FRRS1L: variants seen among roughly 807,000 people sequenced by gnomAD.
FRRS1L encodes ferric chelate reductase 1 like.
Under a neutral mutation model 28.6 loss-of-function variants are expected in FRRS1L, and 22 were observed. The observed-to-expected ratio is 0.77, with a 90% confidence interval of 0.55 to 1.10. The LOEUF (loss-of-function observed/expected upper bound fraction) is 1.10, where lower values mean the gene tolerates loss of function less well. Among genes scored for constraint, FRRS1L ranks in the 50% least tolerant of loss-of-function variants. The pLI is 0.00. For missense variants in FRRS1L, 380 were observed against 386.9 expected, an observed-to-expected ratio of 0.98 and a Z score of 0.15; for synonymous variants, 158 against 151.4, an observed-to-expected ratio of 1.04 and a Z score of -0.32.
intron 1 of FRRS1L, among the ~76,000 whole-genome samples, chr9:109,156,671 G>C (rs1011219429): frequency 1.3e-5 from 2 of 148,960 alleles, no homozygotes; most frequent in South Asian, 2.1e-4. Context: ...TTACAGGCAT[G>C]AGCCACTGCA....
At chr9:109,157,574 G>T (rs1430270606) in intron 1 of FRRS1L, among the ~76,000 whole-genome samples, 2 of 151,982 alleles carry the variant, frequency 1.3e-5, no homozygotes, top group South Asian at 4.2e-4. Flanking sequence ...TTTTTGTAGG[G>T]AATATGTTGC....
intron 1 of FRRS1L, among the ~76,000 whole-genome samples, chr9:109,154,144 C>T (rs542215451): frequency 6.6e-6 from 1 of 152,352 alleles, no homozygotes; most frequent in South Asian, 2.1e-4. Context: ...GAGGCATCAG[C>T]AGCAGCTGAG....
Position 109,132,237 on chromosome 9 carries a change from A to C in FRRS1L, c.*5218T>G, listed in dbSNP as rs950445296. On this transcript the variant is annotated 3_prime_UTR_variant, in exon 5 of 5. Coordinates refer to ENST00000561981, the MANE Select transcript of FRRS1L (RefSeq NM_014334.4). Reference sequence around the variant, plus strand: ...TGATCCGCCCACCTCGGCCTCCCGAAGTGCTGGGATTACAGGCTTGAGCCA... The same window carrying C: ...TGATCCGCCCACCTCGGCCTCCCGACGTGCTGGGATTACAGGCTTGAGCCA... 6 of 152,204 alleles carry C rather than the reference A, an allele frequency of 3.9e-5. No individual in the cohort carries two copies. Among genetic ancestry groups the C allele is most frequent in the African/African-American group, 1.4e-4 (6 of 41,416 alleles). The allele number at this position is 152,204 out of a possible 1,614,324, so 9.4% of individuals were successfully genotyped here.
At chr9:109,142,273 A>C (rs1001258088) in intron 3 of FRRS1L, among the ~76,000 whole-genome samples, 1 of 151,284 alleles carries the variant, frequency 6.6e-6, no homozygotes, top group East Asian at 1.9e-4. Flanking sequence ...AATAACAATC[A>C]AAAAAATAAT....
chr9:109,134,793 C>T lies in FRRS1L; in HGVS notation c.*2662G>A, dbSNP rs1348541374. 2 of 152,108 alleles carry T rather than the reference C, an allele frequency of 1.3e-5. No homozygotes were observed. Among genetic ancestry groups the T allele is most frequent in the Non-Finnish European group, 2.9e-5 (2 of 68,022 alleles). 9.4% of individuals were successfully genotyped at this position (152,108 alleles called of 1,614,324 possible). A position where few individuals can be genotyped will look rare whatever the true frequency, so the allele number is the denominator to read the frequency against. Reference sequence around the variant, plus strand: ...CTTTTGTTTTAACCTGTTTGTAGCTCAAATATTATACACATAAGAGAGAGA... The same window carrying T: ...CTTTTGTTTTAACCTGTTTGTAGCTTAAATATTATACACATAAGAGAGAGA... On this transcript the variant is annotated 3_prime_UTR_variant, in exon 5 of 5. Transcript: ENST00000561981.
chr9:109,155,908 C>T (rs1369012768), intron 1 of FRRS1L, among the ~76,000 whole-genome samples: 1 of 152,100 alleles, frequency 6.6e-6, no homozygotes, highest in African/African-American at 2.4e-5. Context: ...AAACCCACTG[C>T]ATTGCACATT....
intron 1 of FRRS1L, chr9:109,150,426 G>C (rs1397595280): frequency 1.3e-5 from 2 of 152,118 alleles, no homozygotes; most frequent in African/African-American, 2.4e-5. Context: ...ATATTGCCTA[G>C]GCTGGTCTCG....
intron 4 of FRRS1L, chr9:109,139,206 A>T (rs1233823184): frequency 6.6e-6 from 1 of 152,188 alleles, no homozygotes; most frequent in African/African-American, 2.4e-5. Flanking sequence ...TTAAAAAAAA[A>T]TAAAAATAAA....
chr9:109,160,672 T>C (rs1831469966), intron 1 of FRRS1L, among the ~76,000 whole-genome samples: 1 of 152,126 alleles, frequency 6.6e-6, no homozygotes, highest in Admixed American at 6.5e-5. Flanking sequence ...TGACCACTTC[T>C]TGTTATTCCT....
Position 109,164,724 on chromosome 9 carries a change from A to G in FRRS1L, c.238+2177T>C, listed in dbSNP as rs188243660. Among the ~76,000 whole-genome samples the G allele has an allele frequency of 7.2e-5, 11 of 152,296 alleles. No individual in the cohort carries two copies. In the East Asian group the frequency reaches 2.1e-3, roughly 29 times the overall value. ...TCACAGACTTTTGAGTGCAATGCCA[A>G]CAGGTTAGAGGCAGACTTCAGGAGG... is the stretch of plus-strand genomic sequence containing the variant. On this transcript the variant is annotated intron_variant, in intron 1 of 4. Transcript: ENST00000561981.
chr9:109,141,042 T>C (rs896115930), intron 4 of FRRS1L: 23 of 386,380 alleles, frequency 6.0e-5, no homozygotes, highest in African/African-American at 4.6e-4. Flanking sequence ...CTGTGAGAAT[T>C]GAACAGAGCC....
At chr9:109,158,555 A>T (rs538909416) in intron 1 of FRRS1L, among the ~76,000 whole-genome samples, 10 of 152,096 alleles carry the variant, frequency 6.6e-5, no homozygotes, top group Non-Finnish European at 1.5e-4. Context: ...GGATTTGCTT[A>T]TTCTGGACAT....
intron 1 of FRRS1L, chr9:109,151,085 T>A (rs537534312): frequency 6.6e-6 from 1 of 152,364 alleles, no homozygotes; most frequent in East Asian, 1.9e-4. Flanking sequence ...CACACTTTTC[T>A]GGCACACTTC....
At position 109,147,076 on chromosome 9, in the gene FRRS1L, A is replaced by G. The variant is rs1588099321; in HGVS notation, c.437T>C (p.Val146Ala). The G allele has an allele frequency of 1.2e-6, 2 of 1,613,998 alleles. No individual in the cohort carries two copies. The highest frequency in any genetic ancestry group is 1.7e-6 in the Non-Finnish European group (2 of 1,179,886). The change falls in exon 3 of 5, where the codon GTT (valine) becomes GCT (alanine). Residue 146 changes from valine to alanine, a missense_variant. By Grantham distance (64) the Val-to-Ala change is moderately conservative. Coordinates refer to ENST00000561981, the MANE Select transcript of FRRS1L (RefSeq NM_014334.4). The stretch of plus-strand genomic sequence containing the variant: ...CATTTTCTTGTCTGAAGAGAATCCA[A>G]CTGCTACCCAACCATCTGTGTCTGC... ...LSADTDGWVA[V>A]GFSSDKKMGG...
rs1271926422 is a variant in FRRS1L at position 109,137,382 on chromosome 9, G to A, written c.*73C>T. 1.1e-6 allele frequency: 1 copy of A among 932,590 alleles called. No individual in the cohort carries two copies. The highest frequency in any genetic ancestry group is 2.9e-5 in the East Asian group (1 of 34,646). The allele number at this position is 932,590 out of a possible 1,614,324, so 57.8% of individuals were successfully genotyped here. On this transcript the variant is annotated 3_prime_UTR_variant, in exon 5 of 5. Transcript: ENST00000561981. ...AAATAATTGAAGCTAAAATTATACT[G>A]GATATTCTTTAAAAAATATATTTAT...
At chr9:109,161,042 G>A (rs965664209) in intron 1 of FRRS1L, among the ~76,000 whole-genome samples, 14 of 151,576 alleles carry the variant, frequency 9.2e-5, no homozygotes, top group Admixed American at 2.0e-4. Context: ...CTGCCGCCTC[G>A]GCTTCCCAAC....
Position 109,137,498 on chromosome 9 carries a change from A to G in FRRS1L, c.839T>C (p.Leu280Pro). The G allele has an allele frequency of 6.2e-7, 1 of 1,613,226 alleles. No homozygotes were observed. The highest frequency in any genetic ancestry group is 1.1e-5 in the South Asian group (1 of 90,930). ...TAGGTAGAAGGTCAGAGCAACAATC[A>G]GAAGCAAACAAAATGGAGATGAGAA... ...QTFSSPFCLLLIVALTFYLLM... is the reference protein window; with the variant it reads ...QTFSSPFCLLPIVALTFYLLM... Residue 280 changes from leucine (L) to proline (P), a missense_variant, in exon 5 of 5, where the codon CTG (leucine) becomes CCG (proline). By Grantham distance (98) the Leu-to-Pro change is moderately conservative (BLOSUM62 -3). Transcript: ENST00000561981.
At position 109,149,757 on chromosome 9, in the gene FRRS1L, G is replaced by A. The variant is rs754025838; in HGVS notation, c.239-37C>T. On this transcript the variant is annotated intron_variant, in intron 1 of 4. Transcript: ENST00000561981. ...GAATAAAGAAGGGTTAGAAAATCCA[G>A]TAACAACTGTTCCAATGAGAATTTT... 2.2e-6 allele frequency: 3 copies of A among 1,340,168 alleles called. No individual in the cohort carries two copies. The East Asian group carries it at 6.9e-5, about 31-fold the overall frequency. 83.0% of individuals were successfully genotyped at this position (1,340,168 alleles called of 1,614,324 possible). A position where few individuals can be genotyped will look rare whatever the true frequency, so the allele number is the denominator to read the frequency against.
At position 109,130,599 on chromosome 9, in the gene FRRS1L, AG is replaced by A. The variant is rs1383762883; in HGVS notation, c.*6855del. 6.6e-6 allele frequency: 1 copy of A among 152,244 alleles called. No homozygotes were observed. The highest frequency in any genetic ancestry group is 2.4e-5 in the African/African-American group (1 of 41,468). The allele number at this position is 152,244 out of a possible 1,614,324, so 9.4% of individuals were successfully genotyped here. ...AATCTCAAAATTAATCACAAACATT[AG>A]GTACACAATTGTTATAAAACAAATA... On this transcript the variant is annotated 3_prime_UTR_variant, in exon 5 of 5. Transcript: ENST00000561981.
Sources: gnomAD v4.1 joint callset for allele counts (sites outside exome capture counted in the v4.1 genomes callset) on GRCh38, gnomAD v4.1.1 for gene constraint, MANE v1.5 for transcripts, NCBI Gene and HGNC (gene_info 2026-07-23, HGNC 2026-07-21) for gene names.